Variants in ROBO2 observed in about 807,000 individuals in gnomAD.
ROBO2 encodes roundabout guidance receptor 2, also known as roundabout homolog 2.
Under a neutral mutation model 160.8 loss-of-function variants are expected in ROBO2, and 53 were observed. The observed-to-expected ratio is 0.33, with a 90% confidence interval of 0.26 to 0.41. The LOEUF is 0.41. Among genes scored for constraint, ROBO2 ranks in the 10% least tolerant of loss-of-function variants. The pLI, the probability that ROBO2 is intolerant of heterozygous loss-of-function variation, is 1.00. For synonymous variants in ROBO2, 664 were observed against 611.7 expected (o/e 1.09, Z -1.26); for missense variants, 1,577 against 1,722.4 (o/e 0.92, Z 1.49).
At chr3:76,021,231 G>A (rs675542) in intron 2 of ROBO2, among the ~76,000 whole-genome samples, 119,856 of 151,644 alleles carry the variant, frequency 0.79, 48,060 homozygotes, top group East Asian at 0.96. Context: ...TAGAGCACTC[G>A]GAAAAAATAT....
intron 2 of ROBO2, among the ~76,000 whole-genome samples, chr3:76,041,168 A>G (rs1222703865): frequency 6.6e-6 from 1 of 152,196 alleles, no homozygotes; most frequent in African/African-American, 2.4e-5. Flanking sequence ...ATGTGTACAC[A>G]TTATGAAAGC....
intron 2 of ROBO2, among the ~76,000 whole-genome samples, chr3:76,999,842 T>C (rs1280143233): frequency 6.6e-6 from 1 of 152,196 alleles, no homozygotes; most frequent in Non-Finnish European, 1.5e-5. Flanking sequence ...GAAACATATA[T>C]ACCTTTGTGT....
At chr3:76,675,622 A>T (rs2092388309) in intron 2 of ROBO2, among the ~76,000 whole-genome samples, 1 of 152,142 alleles carries the variant, frequency 6.6e-6, no homozygotes. Context: ...CTTTGACAGG[A>T]CTTAATTTTA....
chr3:76,446,530 G>A (rs1196354116), intron 2 of ROBO2, among the ~76,000 whole-genome samples: 1 of 152,030 alleles, frequency 6.6e-6, no homozygotes, highest in Non-Finnish European at 1.5e-5. Flanking sequence ...CACAGAATTG[G>A]AAAAAACTAC....
intron 2 of ROBO2, among the ~76,000 whole-genome samples, chr3:76,454,904 C>A (rs1393794741): frequency 6.6e-6 from 1 of 151,990 alleles, no homozygotes; most frequent in East Asian, 1.9e-4. Context: ...ATTCAACATT[C>A]TAGAAAACAA....
chr3:76,117,433 TA>T (rs1304701275), intron 2 of ROBO2, among the ~76,000 whole-genome samples: 3 of 152,208 alleles, frequency 2.0e-5, no homozygotes, highest in Admixed American at 6.5e-5. Context: ...ACAGATTGTT[TA>T]TAGTTACTGT....
chr3:77,494,737 T>C (rs2086575076), intron 5 of ROBO2, among the ~76,000 whole-genome samples: 1 of 152,042 alleles, frequency 6.6e-6, no homozygotes, highest in South Asian at 2.1e-4. Flanking sequence ...AAAATCTCAA[T>C]TTTATAAATC....
chr3:77,399,696 C>T (rs2075620202), intron 2 of ROBO2, among the ~76,000 whole-genome samples: 1 of 152,126 alleles, frequency 6.6e-6, no homozygotes, highest in South Asian at 2.1e-4. Context: ...TTCGTGCAGT[C>T]TCCTTAGGGT....
rs143602447 is a variant in ROBO2, at chr3:76,427,978, A to G, written c.109+490376A>G. ...TTTAGAATTTACAGGTTTAAAAAATATAGATACTATCAGGGGAATGCGTGA... is the reference window on the plus strand; with the variant it reads ...TTTAGAATTTACAGGTTTAAAAAATGTAGATACTATCAGGGGAATGCGTGA... On this transcript the variant is annotated intron_variant, in intron 2 of 26. Coordinates refer to the ROBO2 transcript ENST00000487694. Among the ~76,000 whole-genome samples, 332 of 152,332 alleles carry G rather than the reference A, an allele frequency of 2.2e-3. 5 individuals are homozygous for G. The highest frequency in any genetic ancestry group is 0.019 in the Admixed American group (298 of 15,288).
intron 2 of ROBO2, among the ~76,000 whole-genome samples, chr3:76,173,535 CCAA>C (rs1229891472): frequency 6.6e-6 from 1 of 151,848 alleles, no homozygotes; most frequent in African/African-American, 2.4e-5. Context: ...CTGACAGGCC[CCAA>C]TGTGCGATAT....
At chr3:76,626,793 C>T (rs1203957244) in intron 2 of ROBO2, among the ~76,000 whole-genome samples, 1 of 151,988 alleles carries the variant, frequency 6.6e-6, no homozygotes, top group Non-Finnish European at 1.5e-5. Context: ...CCCGGGTTCA[C>T]GTCATTCTCC....
At chr3:77,314,154 A>G (rs1191378776) in intron 2 of ROBO2, among the ~76,000 whole-genome samples, 6 of 152,190 alleles carry the variant, frequency 3.9e-5, no homozygotes, top group Non-Finnish European at 7.3e-5. Flanking sequence ...AACAAGTCAC[A>G]TGCCACACAT....
chr3:77,456,680 T>C (rs1284253278), intron 2 of ROBO2, among the ~76,000 whole-genome samples: 2 of 152,188 alleles, frequency 1.3e-5, no homozygotes, highest in Admixed American at 6.5e-5. Context: ...GGATGACATT[T>C]TAAACTTAAC....
intron 2 of ROBO2, among the ~76,000 whole-genome samples, chr3:77,321,514 C>T (rs1247947832): frequency 6.6e-6 from 1 of 151,738 alleles, no homozygotes; most frequent in Non-Finnish European, 1.5e-5. Flanking sequence ...GAGAGAGACC[C>T]TGTCTCAAAA....
intron 2 of ROBO2, among the ~76,000 whole-genome samples, chr3:76,231,863 A>G (rs1704639896): frequency 6.6e-6 from 1 of 152,254 alleles, no homozygotes. Flanking sequence ...TTAATTCTGA[A>G]TAAAACCCAG....
At chr3:76,226,316 A>G (rs34077411) in intron 2 of ROBO2, among the ~76,000 whole-genome samples, 100,636 of 152,100 alleles carry the variant, frequency 0.66, 36,443 homozygotes, top group Non-Finnish European at 0.82. Flanking sequence ...ATAATGAAAT[A>G]ATTTTAGCAC....
chr3:77,127,588 G>T (rs959056446), intron 2 of ROBO2, among the ~76,000 whole-genome samples: 1 of 152,120 alleles, frequency 6.6e-6, no homozygotes, highest in East Asian at 1.9e-4. Flanking sequence ...TTTTCATTGT[G>T]TGGGTAAGTC....
chr3:76,903,554 C>A (rs2075378603), intron 2 of ROBO2, among the ~76,000 whole-genome samples: 1 of 152,206 alleles, frequency 6.6e-6, no homozygotes, highest in Non-Finnish European at 1.5e-5. Context: ...CTCCATCCCC[C>A]ACACCATCCC....
At chr3:77,168,536 T>A (rs1468852729) in intron 2 of ROBO2, among the ~76,000 whole-genome samples, 4 of 152,212 alleles carry the variant, frequency 2.6e-5, no homozygotes, top group Admixed American at 2.6e-4. Context: ...CTAGCTACAT[T>A]TCTCACACTT....
Sources: gnomAD v4.1 joint callset for allele counts (sites outside exome capture counted in the v4.1 genomes callset) on GRCh38, gnomAD v4.1.1 for gene constraint, MANE v1.5 for transcripts, NCBI Gene and HGNC (gene_info 2026-07-23, HGNC 2026-07-21) for gene names.